The following EPHA6 variants were observed in gnomAD, a reference collection of about 807,000 sequenced individuals.
EPHA6 encodes ephrin type-A receptor 6.
Under a neutral mutation model 112.0 loss-of-function variants are expected in EPHA6, and 50 were observed. The ratio of observed to expected loss-of-function variants is 0.45; its 90% CI spans 0.36 to 0.56. The LOEUF (loss-of-function observed/expected upper bound fraction) is 0.56, where lower values mean the gene tolerates loss of function less well. EPHA6 is among the 20% of genes least tolerant of loss of function. EPHA6 has a pLI of 0.00. For synonymous variants in EPHA6, 529 were observed against 490.7 expected, an observed-to-expected ratio of 1.08 and a Z score of -1.03; for missense variants, 1,280 against 1,417.4, an observed-to-expected ratio of 0.90 and a Z score of 1.56.
intron 5 of EPHA6, among the ~76,000 whole-genome samples, chr3:97,284,540 T>C (rs1033591030): frequency 6.6e-6 from 1 of 152,200 alleles, no homozygotes; most frequent in African/African-American, 2.4e-5. Flanking sequence ...TTACTACCTC[T>C]ACTCCTCTAC....
chr3:97,329,502 T>C (rs538096575), intron 5 of EPHA6, among the ~76,000 whole-genome samples: 1,669 of 147,806 alleles, frequency 0.011, 26 homozygotes, highest in African/African-American at 0.041. Flanking sequence ...TTTTAATGAT[T>C]GCCATTCTAA....
chr3:97,508,458 G>A (rs2092299403), intron 10 of EPHA6, among the ~76,000 whole-genome samples: 1 of 152,186 alleles, frequency 6.6e-6, no homozygotes, highest in Admixed American at 6.5e-5. Context: ...GAGTTTCCAT[G>A]TAGTTGTGCA....
intron 14 of EPHA6, among the ~76,000 whole-genome samples, chr3:97,686,268 G>T (rs887377642): frequency 6.6e-6 from 1 of 152,106 alleles, no homozygotes; most frequent in Non-Finnish European, 1.5e-5. Flanking sequence ...ACATCTAGAA[G>T]CTAGAATGAC....
intron 14 of EPHA6, among the ~76,000 whole-genome samples, chr3:97,655,180 T>G (rs1407863383): frequency 6.6e-6 from 1 of 150,518 alleles, no homozygotes; most frequent in Non-Finnish European, 1.5e-5. Context: ...GGTTTTTTGT[T>G]TCTCTAGATG....
At chr3:97,584,144 C>A (rs967953466) in intron 11 of EPHA6, among the ~76,000 whole-genome samples, 4 of 152,100 alleles carry the variant, frequency 2.6e-5, no homozygotes, top group South Asian at 2.1e-4. Context: ...AAAACTCAAT[C>A]TGTTATTTTA....
intron 2 of EPHA6, among the ~76,000 whole-genome samples, chr3:96,983,799 C>A (rs983853699): frequency 6.6e-6 from 1 of 152,156 alleles, no homozygotes; most frequent in African/African-American, 2.4e-5. Context: ...TCTTTTCATT[C>A]ATTTGATCTT....
chr3:97,414,317 C>T (rs2087950922), intron 6 of EPHA6, among the ~76,000 whole-genome samples: 1 of 152,042 alleles, frequency 6.6e-6, no homozygotes, highest in Non-Finnish European at 1.5e-5. Context: ...ATTCTCCCAA[C>T]TCTGATATTT....
intron 12 of EPHA6, among the ~76,000 whole-genome samples, chr3:97,604,241 T>C (rs2093663806): frequency 6.6e-6 from 1 of 151,698 alleles, no homozygotes; most frequent in Non-Finnish European, 1.5e-5. Context: ...AGGTTACTTG[T>C]CCAAAGGGGA....
At chr3:97,348,528 T>C (rs76654691) in intron 5 of EPHA6, among the ~76,000 whole-genome samples, 3,078 of 151,902 alleles carry the variant, frequency 0.02, 99 homozygotes, top group African/African-American at 0.07. Flanking sequence ...TACTTGAGAA[T>C]AGTTATTATT....
chr3:96,916,834 C>T (rs575773613), intron 2 of EPHA6, among the ~76,000 whole-genome samples: 1 of 152,202 alleles, frequency 6.6e-6, no homozygotes, highest in South Asian at 2.1e-4. Context: ...GAATCCCAAG[C>T]AAATGGCAAA....
chr3:96,961,785 A>G (rs2041957157), intron 2 of EPHA6, among the ~76,000 whole-genome samples: 1 of 152,142 alleles, frequency 6.6e-6, no homozygotes, highest in Non-Finnish European at 1.5e-5. Context: ...AAGCACTAGG[A>G]TGTCTGCTTC....
chr3:96,877,647 T>A (rs1366906671), intron 2 of EPHA6, among the ~76,000 whole-genome samples: 2 of 151,506 alleles, frequency 1.3e-5, no homozygotes, highest in South Asian at 2.1e-4. Flanking sequence ...TGGCGTTAAA[T>A]GTTAAATAGG....
At chr3:97,477,426 GAA>G (rs976699793) in intron 8 of EPHA6, among the ~76,000 whole-genome samples, 13 of 125,826 alleles carry the variant, frequency 1.0e-4, no homozygotes, top group Non-Finnish European at 1.9e-4. Context: ...AAGAGAAAGA[GAA>G]AGAGAGAGGA....
At chr3:97,144,446 C>A (rs1320074387) in intron 3 of EPHA6, among the ~76,000 whole-genome samples, 1 of 144,970 alleles carries the variant, frequency 6.9e-6, no homozygotes, top group Non-Finnish European at 1.5e-5. Flanking sequence ...CAATTAGTTT[C>A]TCTTTTTTAG....
chr3:97,392,060 A>G (rs1434866786), intron 5 of EPHA6, among the ~76,000 whole-genome samples: 1 of 151,846 alleles, frequency 6.6e-6, no homozygotes, highest in African/African-American at 2.4e-5. Flanking sequence ...TGCCACCGCA[A>G]TTTTGTGTCT....
At chr3:97,228,595 T>C (rs2078431397) in intron 4 of EPHA6, among the ~76,000 whole-genome samples, 1 of 151,670 alleles carries the variant, frequency 6.6e-6, no homozygotes, top group African/African-American at 2.4e-5. Flanking sequence ...TATATATATG[T>C]CACATTTTCT....
chr3:96,834,504 C>T (rs753783813), intron 1 of EPHA6, among the ~76,000 whole-genome samples: 6 of 151,936 alleles, frequency 3.9e-5, no homozygotes, highest in African/African-American at 7.2e-5. Flanking sequence ...CTCAAGACGT[C>T]GGAGTTGCTC....
At chr3:96,818,450 T>C (rs575050286) in intron 1 of EPHA6, among the ~76,000 whole-genome samples, 1 of 152,078 alleles carries the variant, frequency 6.6e-6, no homozygotes, top group Non-Finnish European at 1.5e-5. Context: ...TGAATCGATT[T>C]TCCCCCCAGG....
chr3:97,171,087 T>A (rs2076686965), intron 3 of EPHA6, among the ~76,000 whole-genome samples: 2 of 151,888 alleles, frequency 1.3e-5, no homozygotes, highest in Non-Finnish European at 2.9e-5. Flanking sequence ...CAGGAAAAAA[T>A]TGTCTTAGAG....
Sources: allele counts gnomAD v4.1 joint callset (sites outside exome capture counted in the v4.1 genomes callset), GRCh38; gene constraint gnomAD v4.1.1; transcripts MANE v1.5; gene names NCBI Gene and HGNC (gene_info 2026-07-23, HGNC 2026-07-21).